GRM5: variants seen among roughly 807,000 people sequenced by gnomAD.
GRM5 encodes the protein metabotropic glutamate receptor 5.
Under a neutral mutation model 83.1 loss-of-function variants are expected in GRM5, and 19 were observed. The ratio of observed to expected loss-of-function variants is 0.23; its 90% CI spans 0.16 to 0.34. The LOEUF (loss-of-function observed/expected upper bound fraction) is 0.34, where lower values mean the gene tolerates loss of function less well. Ranked by LOEUF, GRM5 falls within the 10% of genes least tolerant of loss-of-function variation. GRM5 has a pLI of 1.00. For missense variants in GRM5, 1,160 were observed against 1,588.3 expected (o/e 0.73, Z 4.58); for synonymous variants, 675 against 633.6 (o/e 1.07, Z -0.98).
chr11:88,995,772 G>T (rs1274109109), intron 2 of GRM5, among the ~76,000 whole-genome samples: 1 of 152,004 alleles, frequency 6.6e-6, no homozygotes, highest in Admixed American at 6.6e-5. Context: ...TATATAGGTT[G>T]TATCAGACAT....
intron 3 of GRM5, among the ~76,000 whole-genome samples, chr11:88,776,912 G>A (rs560771520): frequency 1.3e-5 from 2 of 152,240 alleles, no homozygotes; most frequent in South Asian, 2.1e-4. Flanking sequence ...TGACAATTAT[G>A]TGTCTTGGGG....
intron 2 of GRM5, among the ~76,000 whole-genome samples, chr11:88,942,303 T>G (rs373849377): frequency 3.3e-5 from 5 of 152,202 alleles, no homozygotes; most frequent in East Asian, 3.9e-4. Context: ...AAGTGTGTGG[T>G]AAGATGTTAA....
intron 2 of GRM5, among the ~76,000 whole-genome samples, chr11:89,023,043 T>C (rs1157664464): frequency 6.6e-6 from 1 of 152,082 alleles, no homozygotes; most frequent in Non-Finnish European, 1.5e-5. Flanking sequence ...TTTCCAGCTA[T>C]GTTTTTTTCC....
chr11:88,996,170 A>C (rs1489283942), intron 2 of GRM5, among the ~76,000 whole-genome samples: 1 of 152,224 alleles, frequency 6.6e-6, no homozygotes, highest in Non-Finnish European at 1.5e-5. Context: ...CCTGTGGGAT[A>C]ATTTTACTAC....
intron 3 of GRM5, among the ~76,000 whole-genome samples, chr11:88,734,692 T>G (rs1226031739): frequency 6.6e-6 from 1 of 152,086 alleles, no homozygotes; most frequent in African/African-American, 2.4e-5. Flanking sequence ...ACAGAATATT[T>G]TCATCATTTT....
intron 3 of GRM5, among the ~76,000 whole-genome samples, chr11:88,826,015 G>C (rs1943889518): frequency 6.6e-6 from 1 of 152,098 alleles, no homozygotes; most frequent in Non-Finnish European, 1.5e-5. Context: ...TTATATAAAA[G>C]AAAATGATGA....
In GRM5 at chr11:88,801,121, G is replaced by A. The variant is rs139548289; in HGVS notation, c.911+48785C>T. Among the ~76,000 whole-genome samples, 57 of 152,206 alleles carry A rather than the reference G, an allele frequency of 3.7e-4. No individual in the cohort carries two copies. In the East Asian group the frequency reaches 6.8e-3, roughly 18 times the overall value. On this transcript the variant is annotated intron_variant, in intron 3 of 9. Coordinates refer to ENST00000305447, the MANE Select transcript of GRM5 (RefSeq NM_001143831.3). Reference sequence around the variant, plus strand: ...ATTAAGCCTTTGACTTTTGAGTGATGCATCCACAGATTTAGGGATTCCATA... The same window carrying A: ...ATTAAGCCTTTGACTTTTGAGTGATACATCCACAGATTTAGGGATTCCATA...
In GRM5 at chr11:88,807,755, CT is replaced by C. The variant is rs983463412; in HGVS notation, c.911+42150del. ...AGGCAGATTTTCTTCATATAAACTACTTTTTTTTAGGCATCTGAAATTAATG... is the reference window on the plus strand; with the variant it reads ...AGGCAGATTTTCTTCATATAAACTACTTTTTTTAGGCATCTGAAATTAATG... On this transcript the variant is annotated intron_variant, in intron 3 of 9. Transcript: ENST00000305447. Among the ~76,000 whole-genome samples, 13 of 151,940 alleles carry C rather than the reference CT, an allele frequency of 8.6e-5. 1 individual carries two copies. The highest frequency in any genetic ancestry group is 6.6e-4 in the Admixed American group (10 of 15,234).
chr11:88,848,176 G>A (rs1034496777), intron 3 of GRM5, among the ~76,000 whole-genome samples: 3 of 152,090 alleles, frequency 2.0e-5, no homozygotes, highest in African/African-American at 7.2e-5. Flanking sequence ...ATGTTTGTGG[G>A]TTGTATGAAA....
intron 3 of GRM5, among the ~76,000 whole-genome samples, chr11:88,763,038 G>A (rs1942559235): frequency 6.6e-6 from 1 of 151,922 alleles, no homozygotes; most frequent in Non-Finnish European, 1.5e-5. Context: ...AGCGGGAAAG[G>A]AGGGAGAGGA....
chr11:89,055,062 C>A (rs1311209198), intron 1 of GRM5, among the ~76,000 whole-genome samples: 5 of 152,176 alleles, frequency 3.3e-5, no homozygotes, highest in Non-Finnish European at 7.4e-5. Flanking sequence ...TCCTTGGGAG[C>A]CTATTAGTCA....
At position 88,508,925 on chromosome 11, in the gene GRM5, C is replaced by G. The variant is rs770501170; in HGVS notation, c.3306G>C (p.Glu1102Asp). The G allele has an allele frequency of 6.2e-7, 1 of 1,600,890 alleles. No homozygotes were observed. Among genetic ancestry groups the G allele is most frequent in the African/African-American group, 1.3e-5 (1 of 74,518 alleles). The change falls in exon 10 of 10, where the codon GAG becomes GAC. Residue 1102 changes from glutamate (E) to aspartate (D), a missense_variant. Transcript: ENST00000305447. This position sits in a 1 kb window ranked among gnomAD's most constrained non-coding sequence, Gnocchi z 4.2. ...PLCSSYLIPK[E>D]IQLPTTMTTF... The stretch of plus-strand genomic sequence containing the variant: ...TCGTCATGGTCGTGGGCAACTGGAT[C>G]TCTTTGGGGATCAGGTAGGACGAGC...
chr11:89,027,331 T>C (rs1253288993), intron 2 of GRM5, among the ~76,000 whole-genome samples: 1 of 149,580 alleles, frequency 6.7e-6, no homozygotes, highest in Admixed American at 6.6e-5. Context: ...CTTGACCTCG[T>C]GATCCACACT....
rs961826740 is a variant in GRM5, at chr11:88,577,472, A to G, written c.1691-9480T>C. ...TCACTCTTGAGCACCTACACCATTC[A>G]TACCACTTGGTCCACACTATGGTGA... On this transcript the variant is annotated intron_variant, in intron 7 of 9. Transcript: ENST00000305447. Among the ~76,000 whole-genome samples the G allele has an allele frequency of 3.9e-5, 6 of 152,120 alleles. No individual in the cohort carries two copies. The East Asian group carries it at 1.2e-3, about 29-fold the overall frequency.
intron 8 of GRM5, among the ~76,000 whole-genome samples, chr11:88,555,242 A>T (rs1942598952): frequency 6.6e-6 from 1 of 152,154 alleles, no homozygotes. Flanking sequence ...TGTGATTCCT[A>T]ACCCAGGAAT....
rs71046265 is a variant in GRM5 at position 88,845,423 on chromosome 11, C to CTTTTTTTTTTTTTTTTTTTTT, written c.911+4462_911+4482dup. On this transcript the variant is annotated intron_variant, in intron 3 of 9. Transcript: ENST00000305447. ...AGGCTACAGTACAGTATAAACATAA[C>CTTTTTTTTTTTTTTTTTTTTT]TTTTTTTTTTTTTTTTTTTTTTTTT... Among the ~76,000 whole-genome samples the CTTTTTTTTTTTTTTTTTTTTT allele has an allele frequency of 1.7e-4, 16 of 92,440 alleles. 3 individuals are homozygous for CTTTTTTTTTTTTTTTTTTTTT. Among genetic ancestry groups the CTTTTTTTTTTTTTTTTTTTTT allele is most frequent in the African/African-American group, 4.5e-4 (10 of 22,226 alleles). The allele number at this position is 92,440 out of a possible 152,430, so 60.6% of individuals were successfully genotyped here. A position where few individuals can be genotyped will look rare whatever the true frequency, so the allele number is the denominator to read the frequency against.
intron 3 of GRM5, among the ~76,000 whole-genome samples, chr11:88,671,504 C>T (rs1300581583): frequency 6.6e-6 from 1 of 151,918 alleles, no homozygotes; most frequent in Admixed American, 6.6e-5. Flanking sequence ...GAAATAGTCT[C>T]ATTTTAATAA....
chr11:88,733,602 C>G (rs1941851370), intron 3 of GRM5, among the ~76,000 whole-genome samples: 1 of 151,966 alleles, frequency 6.6e-6, no homozygotes, highest in African/African-American at 2.4e-5. Context: ...ATTATTTAAG[C>G]TATGGTAGTT....
chr11:88,794,762 G>A (rs928999850), intron 3 of GRM5, among the ~76,000 whole-genome samples: 1 of 152,178 alleles, frequency 6.6e-6, no homozygotes, highest in African/African-American at 2.4e-5. Context: ...TCCTGTTACT[G>A]GAGGGTTATT....
Sources: gnomAD v4.1 joint callset for allele counts (sites outside exome capture counted in the v4.1 genomes callset) on GRCh38, gnomAD v4.1.1 for gene constraint, Gnocchi (gnomAD v3.1) non-coding constraint, MANE v1.5 for transcripts, NCBI Gene and HGNC (gene_info 2026-07-23, HGNC 2026-07-21) for gene names.